ZNF385D: variants seen among roughly 807,000 people sequenced by gnomAD.
ZNF385D encodes zinc finger protein 659.
A neutral mutation model predicts 35.8 loss-of-function variants in ZNF385D; 15 were observed. That is an observed-to-expected ratio of 0.42 (90% CI 0.28 to 0.64). The LOEUF (loss-of-function observed/expected upper bound fraction) is 0.64. ZNF385D is among the 30% of genes least tolerant of loss of function. ZNF385D has a pLI of 0.23. For missense variants in ZNF385D, 474 were observed against 494.6 expected (o/e 0.96, Z 0.39); for synonymous variants, 212 against 186.8 (o/e 1.13, Z -1.10).
At chr3:21,536,385 A>G (rs1271671456) in intron 3 of ZNF385D, among the ~76,000 whole-genome samples, 1 of 152,096 alleles carries the variant, frequency 6.6e-6, no homozygotes, top group African/African-American at 2.4e-5. Context: ...GGGCAAAGAT[A>G]GCTTCTCCCA....
At chr3:21,552,841 G>A (rs544975724) in intron 3 of ZNF385D, among the ~76,000 whole-genome samples, 1 of 152,266 alleles carries the variant, frequency 6.6e-6, no homozygotes, top group African/African-American at 2.4e-5. Context: ...AGGGGAATTA[G>A]GTTAGCAGAT....
At chr3:22,075,303 T>C (rs1017707310) in intron 3 of ZNF385D, among the ~76,000 whole-genome samples, 1 of 151,878 alleles carries the variant, frequency 6.6e-6, no homozygotes, top group African/African-American at 2.4e-5. Context: ...CCAGTTTCCC[T>C]AAAGATTCCT....
intron 3 of ZNF385D, among the ~76,000 whole-genome samples, chr3:21,952,011 C>A (rs662789): frequency 0.26 from 39,739 of 151,340 alleles, 6,277 homozygotes; most frequent in Admixed American, 0.41. Context: ...CAGGACCTAA[C>A]TGACCCCCTG....
At chr3:22,227,013 A>G (rs938320632) in intron 2 of ZNF385D, among the ~76,000 whole-genome samples, 1 of 152,208 alleles carries the variant, frequency 6.6e-6, no homozygotes, top group African/African-American at 2.4e-5. Flanking sequence ...AAGCACATGC[A>G]TTCAGCATAT....
chr3:22,135,093 G>A (rs904636122), intron 3 of ZNF385D, among the ~76,000 whole-genome samples: 2 of 152,098 alleles, frequency 1.3e-5, no homozygotes, highest in African/African-American at 4.8e-5. Context: ...CACCTGATTA[G>A]CCACTTTTCC....
At chr3:21,929,063 A>G (rs1700880504) in intron 3 of ZNF385D, among the ~76,000 whole-genome samples, 1 of 152,174 alleles carries the variant, frequency 6.6e-6, no homozygotes, top group Non-Finnish European at 1.5e-5. Flanking sequence ...ATAAATATAG[A>G]TGCAAGATCC....
intron 3 of ZNF385D, among the ~76,000 whole-genome samples, chr3:22,151,370 C>T (rs1381459992): frequency 6.6e-6 from 1 of 151,980 alleles, no homozygotes; most frequent in Non-Finnish European, 1.5e-5. Context: ...TATTAAATAC[C>T]CACAAGAAAG....
At chr3:21,601,601 C>A (rs1223051799) in intron 2 of ZNF385D, among the ~76,000 whole-genome samples, 1 of 152,138 alleles carries the variant, frequency 6.6e-6, no homozygotes, top group East Asian at 1.9e-4. Context: ...GTGAAATCAT[C>A]TAAGGAAAGC....
chr3:22,268,099 G>C (rs1343809155), intron 2 of ZNF385D, among the ~76,000 whole-genome samples: 1 of 151,840 alleles, frequency 6.6e-6, no homozygotes, highest in African/African-American at 2.4e-5. Context: ...CTAAGTAATT[G>C]TAACAAAAAT....
At chr3:21,827,040 G>A (rs1193114838) in intron 3 of ZNF385D, among the ~76,000 whole-genome samples, 1 of 152,058 alleles carries the variant, frequency 6.6e-6, no homozygotes, top group African/African-American at 2.4e-5. Flanking sequence ...AAGTAATTTT[G>A]CCATTAAAAG....
chr3:21,937,392 T>C (rs906992502), intron 3 of ZNF385D, among the ~76,000 whole-genome samples: 2 of 152,188 alleles, frequency 1.3e-5, no homozygotes, highest in Non-Finnish European at 2.9e-5. Flanking sequence ...TGCCCCATTG[T>C]GCCACTGTAA....
rs753708559 is a variant in ZNF385D, at chr3:21,665,047, A to G, written c.23-19T>C. On this transcript the variant is annotated intron_variant, in intron 1 of 7. Coordinates refer to ENST00000281523, the MANE Select transcript of ZNF385D (RefSeq NM_024697.3). ...GTACCACCTGTGAAGACCAGAGCAA[A>G]GGGAGCAATCAGGGACACCACGCAT... 2 of 1,580,480 alleles carry G rather than the reference A, an allele frequency of 1.3e-6. No homozygotes were observed. Among genetic ancestry groups the G allele is most frequent in the South Asian group, 2.3e-5 (2 of 86,602 alleles).
intron 2 of ZNF385D, among the ~76,000 whole-genome samples, chr3:21,601,512 T>C (rs886516195): frequency 1.3e-5 from 2 of 152,200 alleles, no homozygotes; most frequent in Non-Finnish European, 2.9e-5. Flanking sequence ...GCGTTAAGCA[T>C]ATGGCCTCCT....
chr3:21,826,308 T>C (rs1425846372), intron 3 of ZNF385D, among the ~76,000 whole-genome samples: 1 of 152,320 alleles, frequency 6.6e-6, no homozygotes, highest in African/African-American at 2.4e-5. Context: ...CCCAACCTGA[T>C]TGTGAATTAT....
At chr3:21,717,979 G>T (rs1397316759) in intron 1 of ZNF385D, among the ~76,000 whole-genome samples, 1 of 152,164 alleles carries the variant, frequency 6.6e-6, no homozygotes, top group African/African-American at 2.4e-5. Flanking sequence ...AACACAGACT[G>T]GTGAGTTGCA....
chr3:22,234,695 C>T (rs7645144), intron 2 of ZNF385D, among the ~76,000 whole-genome samples: 1,520 of 151,984 alleles, frequency 0.01, 22 homozygotes, highest in African/African-American at 0.034. Flanking sequence ...AAAATATTTG[C>T]TAATTATATA....
At chr3:22,071,996 G>T (rs1700251680) in intron 3 of ZNF385D, among the ~76,000 whole-genome samples, 1 of 152,072 alleles carries the variant, frequency 6.6e-6, no homozygotes, top group Non-Finnish European at 1.5e-5. Context: ...CAGAAAAAAA[G>T]ATACATAATT....
At chr3:22,050,331 C>T (rs1699272663) in intron 3 of ZNF385D, among the ~76,000 whole-genome samples, 1 of 151,968 alleles carries the variant, frequency 6.6e-6, no homozygotes, top group African/African-American at 2.4e-5. Flanking sequence ...CATTGCACTC[C>T]AGCCTGAGTG....
At chr3:21,959,903 TA>T (rs969778129) in intron 3 of ZNF385D, among the ~76,000 whole-genome samples, 2 of 151,044 alleles carry the variant, frequency 1.3e-5, no homozygotes, top group Non-Finnish European at 2.9e-5. Context: ...CAAAATGGAT[TA>T]AATACTGAAA....
Sources: allele counts gnomAD v4.1 joint callset (sites outside exome capture counted in the v4.1 genomes callset), GRCh38; gene constraint gnomAD v4.1.1; transcripts MANE v1.5; gene names NCBI Gene and HGNC (gene_info 2026-07-23, HGNC 2026-07-21).